RIF1: variants seen among roughly 807,000 people sequenced by gnomAD.
RIF1 encodes replication timing regulatory factor 1.
A neutral mutation model predicts 247.1 loss-of-function variants in RIF1; 45 were observed. That is an observed-to-expected ratio of 0.18 (90% CI 0.14 to 0.23). RIF1 has a LOEUF of 0.23. RIF1 is among the 10% of genes least tolerant of loss of function. RIF1 has a pLI of 1.00. For synonymous variants in RIF1, 1,087 were observed against 978.8 expected, an observed-to-expected ratio of 1.11 and a Z score of -2.06; for missense variants, 2,967 against 2,862.5, an observed-to-expected ratio of 1.04 and a Z score of -0.83.
chr2:151,427,644 G>T (rs1175060841), intron 8 of RIF1, among the ~76,000 whole-genome samples: 2 of 151,166 alleles, frequency 1.3e-5, no homozygotes, highest in Non-Finnish European at 2.9e-5. Flanking sequence ...TTTTCTACCA[G>T]CTGTGGTTGC....
intron 20 of RIF1, among the ~76,000 whole-genome samples, chr2:151,450,201 AT>A (rs1694052405): frequency 6.6e-6 from 1 of 151,768 alleles, no homozygotes; most frequent in Admixed American, 6.6e-5. Context: ...GTGCTTTGTA[AT>A]TTGAGAATTT....
At position 151,481,166 on chromosome 2, in the gene RIF1, C is replaced by A. The variant is rs1416275018; in HGVS notation, c.*6095C>A. ...TGGCCTTTTAAAGAGTTTGTCAATCCCTTTTATGGAGGAAGGTTTTGCTCA... is the reference window on the plus strand; with the variant it reads ...TGGCCTTTTAAAGAGTTTGTCAATCACTTTTATGGAGGAAGGTTTTGCTCA... On this transcript the variant is annotated 3_prime_UTR_variant, in exon 36 of 36. Coordinates refer to ENST00000444746, the MANE Select transcript of RIF1 (RefSeq NM_018151.5). 1 of 152,096 alleles carries A rather than the reference C, an allele frequency of 6.6e-6. No individual in the cohort carries two copies. The highest frequency in any genetic ancestry group is 1.5e-5 in the Non-Finnish European group (1 of 68,034). The allele number at this position is 152,096 out of a possible 1,614,324, so 9.4% of individuals were successfully genotyped here. A position where few individuals can be genotyped will look rare whatever the true frequency, so the allele number is the denominator to read the frequency against.
intron 7 of RIF1, among the ~76,000 whole-genome samples, chr2:151,422,504 A>AT (rs780843381): frequency 0.01 from 1,473 of 141,106 alleles, 11 homozygotes; most frequent in African/African-American, 0.021. Flanking sequence ...TTTTGGGAAA[A>AT]TTTTTTTTTT....
At chr2:151,483,490 G>A (rs2049257578), downstream of RIF1, among the ~76,000 whole-genome samples, 1 of 152,110 alleles carries the variant, frequency 6.6e-6, no homozygotes, top group South Asian at 2.1e-4. Flanking sequence ...TTAACCATGA[G>A]TTGATAATTT....
chr2:151,417,032 G>A, intron 6 of RIF1, 131 bp downstream of exon 6: 1 of 647,372 alleles, frequency 1.5e-6, no homozygotes, highest in Non-Finnish European at 2.6e-6. Flanking sequence ...ACGACTCAAG[G>A]ACAAAAAGTA....
intron 12 of RIF1, chr2:151,506,022 C>A: frequency 1.3e-6 from 1 of 744,886 alleles, no homozygotes; most frequent in Non-Finnish European, 2.4e-6. Flanking sequence ...TGACTCTAGC[C>A]ACTGTGTGGT....
chr2:151,501,423 G>A lies in RIF1; in HGVS notation c.*710-1611G>A, dbSNP rs549794342. 3.1e-4 allele frequency: 479 copies of A among 1,548,396 alleles called. No homozygotes were observed. The highest frequency in any genetic ancestry group is 3.5e-4 in the Non-Finnish European group (402 of 1,144,958). On this transcript the variant is annotated intron_variant and NMD_transcript_variant, in intron 11 of 13. Transcript: ENST00000454583. The stretch of plus-strand genomic sequence containing the variant: ...AAGTTTTCTTGATTGAGTTTGACTC[G>A]CTCCATCTCAGGAGTGACAGGTAGG...
At position 151,465,363 on chromosome 2, in the gene RIF1, G is replaced by T. The variant is rs1559021081; in HGVS notation, c.5843G>T (p.Arg1948Ile). Residue 1948 changes from arginine (R) to isoleucine (I), a missense_variant, in exon 30 of 36, where the codon AGA (arginine) becomes ATA (isoleucine). Arg to Ile is a moderately conservative substitution (Grantham distance 97, BLOSUM62 -3). Around this residue, in one of 7 missense-constraint regions of RIF1, gnomAD observed 2,028 missense variants for 1,825.6 expected, o/e 1.11. Coordinates refer to ENST00000444746, the MANE Select transcript of RIF1 (RefSeq NM_018151.5). ...GAAGCAGCAATAGAAGAAAATAAAA[G>T]AAATGATGACTCTGAAGCAGACACA... ...SEEAAIEENKRNDDSEADTAK... is the reference protein window; with the variant it reads ...SEEAAIEENKINDDSEADTAK... 6.8e-6 allele frequency: 11 copies of T among 1,613,628 alleles called. No homozygotes were observed. Among genetic ancestry groups the T allele is most frequent in the African/African-American group, 1.3e-5 (1 of 74,888 alleles).
At position 151,464,783 on chromosome 2, in the gene RIF1, A is replaced by T. The variant is rs1355732450; in HGVS notation, c.5263A>T (p.Asn1755Tyr). Residue 1755 changes from asparagine to tyrosine, a missense_variant, in exon 30 of 36, where the codon AAT becomes TAT. By Grantham distance (143) the Asn-to-Tyr change is moderately radical (BLOSUM62 -2). Transcript: ENST00000444746. ...SLIGLKNTEN[N>Y]DVEISETKKA... ...CATTGGGTTAAAGAATACAGAAAAT[A>T]ATGACGTAGAGATTAGTGAAACAAA... The T allele has an allele frequency of 6.2e-7, 1 of 1,613,974 alleles. No homozygotes were observed. Among genetic ancestry groups the T allele is most frequent in the Non-Finnish European group, 8.5e-7 (1 of 1,179,940 alleles).
downstream of RIF1, among the ~76,000 whole-genome samples, chr2:151,510,430 TCAAA>T (rs202068501): frequency 6.6e-6 from 1 of 152,258 alleles, no homozygotes; most frequent in South Asian, 2.1e-4. Context: ...CATTTAGTAC[TCAAA>T]CAGTTGTTAG....
intron 34 of RIF1, among the ~76,000 whole-genome samples, chr2:151,472,488 T>C (rs1444290730): frequency 6.6e-6 from 1 of 152,236 alleles, no homozygotes; most frequent in Non-Finnish European, 1.5e-5. Context: ...GCCCATTCAG[T>C]ATGATATTGG....
chr2:151,465,334 T>A lies in RIF1; in HGVS notation c.5814T>A (p.Ser1938=), dbSNP rs139052966. The A allele has an allele frequency of 5.2e-5, 84 of 1,613,806 alleles. No homozygotes were observed. Among genetic ancestry groups the A allele is most frequent in the Non-Finnish European group, 6.7e-5 (79 of 1,179,994 alleles). ...HGQERTKTGI[S]EEAAIEENKR... The stretch of plus-strand genomic sequence containing the variant: ...AAGAGAGAACCAAAACTGGTATTTC[T>A]GAAGAAGCAGCAATAGAAGAAAATA... Residue 1938 remains serine, a synonymous_variant, in exon 30 of 36, where the codon TCT becomes TCA. Coordinates refer to ENST00000444746, the MANE Select transcript of RIF1 (RefSeq NM_018151.5).
intron 12 of RIF1, chr2:151,505,596 A>C: frequency 1.9e-6 from 3 of 1,560,964 alleles, no homozygotes; most frequent in Non-Finnish European, 2.7e-6. Context: ...TGGGAAAAGA[A>C]AGGTATTATT....
intron 10 of RIF1, chr2:151,497,523 TTTAAG>T (rs1414126393): frequency 6.7e-7 from 1 of 1,501,914 alleles, no homozygotes; most frequent in South Asian, 1.3e-5. Flanking sequence ...ATTCACAAAA[TTTAAG>T]TTGTCTTTAA....
rs1457929154 is a variant in RIF1 at position 151,410,397 on chromosome 2, T to C, written c.-10-17T>C. On this transcript the variant is annotated splice_polypyrimidine_tract_variant and intron_variant, in intron 1 of 35. Transcript: ENST00000444746. ...CATCGGTCACTGGATTTTCTCCTCT[T>C]CCGGTTCGGGCCTCAGGGTGGCCGA... The C allele has an allele frequency of 6.2e-7, 1 of 1,602,532 alleles. No homozygotes were observed. Among genetic ancestry groups the C allele is most frequent in the African/African-American group, 1.3e-5 (1 of 74,488 alleles).
chr2:151,507,912 A>T (rs1282363910), exon 14 of RIF1: 6 of 845,742 alleles, frequency 7.1e-6, no homozygotes, highest in Non-Finnish European at 9.8e-6. Context: ...GGGCTGCACA[A>T]CAGCCCCACT....
chr2:151,423,513 G>C (rs1558942565), intron 8 of RIF1: 1 of 154,902 alleles, frequency 6.5e-6, no homozygotes, highest in East Asian at 1.9e-4. Context: ...CTTTGTTCAG[G>C]CATGATTTAT....
chr2:151,501,869 A>G (rs997011702), intron 11 of RIF1, among the ~76,000 whole-genome samples: 7 of 152,222 alleles, frequency 4.6e-5, no homozygotes, highest in African/African-American at 1.7e-4. Flanking sequence ...GGGGAACAAA[A>G]TAAAGAATAA....
rs1693564849 is a variant in RIF1, at chr2:151,447,698, A to G, written c.2244+1123A>G. 2.6e-5 allele frequency among the ~76,000 whole-genome samples: 4 copies of G among 152,136 alleles called. No individual in the cohort carries two copies. In the South Asian group the frequency reaches 8.3e-4, roughly 32 times the overall value. ...GTTGCTGGGACTACAGTTGCACACCATCATGCCCAGCTAATTTTGTATTTT... is the reference window on the plus strand; with the variant it reads ...GTTGCTGGGACTACAGTTGCACACCGTCATGCCCAGCTAATTTTGTATTTT... On this transcript the variant is annotated intron_variant, in intron 20 of 35. Coordinates refer to ENST00000444746, the MANE Select transcript of RIF1 (RefSeq NM_018151.5).
Sources: allele counts gnomAD v4.1 joint callset (sites outside exome capture counted in the v4.1 genomes callset), GRCh38; gene constraint gnomAD v4.1.1; regional missense constraint gnomAD v4.1.1; transcripts MANE v1.5; gene names NCBI Gene and HGNC (gene_info 2026-07-23, HGNC 2026-07-21).